Variants in HSD17B4 observed in about 807,000 individuals in gnomAD.
The protein encoded by HSD17B4 is hydroxysteroid 17-beta dehydrogenase 4.
A neutral mutation model predicts 101.0 loss-of-function variants in HSD17B4; 70 were observed. The observed-to-expected ratio is 0.69, with a 90% CI of 0.57 to 0.85. HSD17B4 has a LOEUF of 0.85. HSD17B4 is among the 40% of genes least tolerant of loss of function. The pLI, the probability that HSD17B4 is intolerant of heterozygous loss-of-function variation, is 0.00. For synonymous variants in HSD17B4, 347 were observed against 297.1 expected, an observed-to-expected ratio of 1.17 and a Z score of -1.73; for missense variants, 984 against 892.4, an observed-to-expected ratio of 1.10 and a Z score of -1.31.
intron 8 of HSD17B4, among the ~76,000 whole-genome samples, chr5:119,481,635 A>G (rs551066150): frequency 7.8e-5 from 9 of 115,300 alleles, no homozygotes; most frequent in South Asian, 2.8e-4. Flanking sequence ...AACCATATAC[A>G]TGCCTTAATT....
rs1749936595 is a variant in HSD17B4 at position 119,489,832 on chromosome 5, TG to T, written c.714+550del. On this transcript the variant is annotated intron_variant, in intron 9 of 23. Transcript: ENST00000510025. ...TTTTTACATAAAAAATGAACTTTTC[TG>T]TTTTTTTTATTGCAGAGCTTTAAAT... Among the ~76,000 whole-genome samples, 4 of 151,766 alleles carry T rather than the reference TG, an allele frequency of 2.6e-5. No homozygotes were observed. The South Asian group carries it at 8.3e-4, about 31-fold the overall frequency.
At chr5:119,498,253 A>AT (rs35118616) in intron 12 of HSD17B4, among the ~76,000 whole-genome samples, 4 of 152,076 alleles carry the variant, frequency 2.6e-5, no homozygotes, top group Non-Finnish European at 5.9e-5. Flanking sequence ...TAGAAATGTG[A>AT]TTTTTCCTCA....
intron 20 of HSD17B4, 133 bp from the exon 21 acceptor site, chr5:119,529,758 TTTA>T: frequency 1.6e-6 from 1 of 631,968 alleles, no homozygotes; most frequent in South Asian, 1.8e-5. Flanking sequence ...TTAGCAGCCT[TTTA>T]TTTTATCTGG....
intron 2 of HSD17B4, 105 bp downstream of exon 2, chr5:119,456,473 T>G (rs1396615202): frequency 1.2e-6 from 1 of 842,306 alleles, no homozygotes; most frequent in Non-Finnish European, 2.0e-6. Context: ...GGTTGAATTT[T>G]ATTATTAATT....
At chr5:119,452,895 G>C (rs1754209599) in intron 1 of HSD17B4, 2 of 1,508,562 alleles carry the variant, frequency 1.3e-6, no homozygotes, top group Non-Finnish European at 8.9e-7. Flanking sequence ...GCCAGGCTGG[G>C]CTGCTGATTG....
At chr5:119,469,284 C>A (rs1047768881) in intron 2 of HSD17B4, among the ~76,000 whole-genome samples, 1 of 149,942 alleles carries the variant, frequency 6.7e-6, no homozygotes, top group Non-Finnish European at 1.5e-5. Flanking sequence ...GTTGTGTTTC[C>A]CTGTTTTTCC....
At chr5:119,522,110 G>A (rs1325401750) in intron 17 of HSD17B4, among the ~76,000 whole-genome samples, 3 of 148,318 alleles carry the variant, frequency 2.0e-5, no homozygotes, top group East Asian at 2.1e-4. Flanking sequence ...AACAGGCCCC[G>A]GTGTGTGATG....
intron 20 of HSD17B4, among the ~76,000 whole-genome samples, chr5:119,527,572 G>A (rs957510726): frequency 6.6e-6 from 1 of 151,868 alleles, no homozygotes; most frequent in Non-Finnish European, 1.5e-5. Context: ...AAATTTAAAG[G>A]CATGACTCAG....
rs757832938 is a variant in HSD17B4, at chr5:119,475,812, T to C, written c.303-12T>C. The stretch of plus-strand genomic sequence containing the variant: ...TTTCCTCCTTTTACCCTATACAACA[T>C]TGATTTTTTAGAATTCTGAGGGATC... On this transcript the variant is annotated splice_polypyrimidine_tract_variant and intron_variant, in intron 5 of 23. Transcript: ENST00000510025. 7 of 1,599,212 alleles carry C rather than the reference T, an allele frequency of 4.4e-6. No homozygotes were observed. The Admixed American group carries it at 5.0e-5, about 11-fold the overall frequency.
intron 18 of HSD17B4, 85 bp downstream of exon 18, chr5:119,525,370 C>T: frequency 1.2e-6 from 1 of 842,352 alleles, no homozygotes; most frequent in Non-Finnish European, 2.1e-6. Flanking sequence ...CTACTTATGA[C>T]TGGTAGTTTG....
chr5:119,452,866 G>A, intron 1 of HSD17B4: 1 of 1,535,250 alleles, frequency 6.5e-7, no homozygotes, highest in Non-Finnish European at 8.7e-7. Context: ...GCTTCCCAAG[G>A]TCCTGCCTGA....
intron 5 of HSD17B4, 23 bp from the exon 6 acceptor site, chr5:119,475,801 C>A (rs1748526011): frequency 1.3e-6 from 2 of 1,587,842 alleles, no homozygotes; most frequent in South Asian, 2.2e-5. Context: ...CTCCTTTTAC[C>A]CTATACAACA....
At chr5:119,461,036 A>G (rs1755175517) in intron 2 of HSD17B4, among the ~76,000 whole-genome samples, 1 of 152,156 alleles carries the variant, frequency 6.6e-6, no homozygotes, top group Non-Finnish European at 1.5e-5. Flanking sequence ...ATGAGGGCAG[A>G]GGGGTCCTAG....
At chr5:119,530,725 C>G (rs1181969665) in intron 21 of HSD17B4, among the ~76,000 whole-genome samples, 1 of 151,144 alleles carries the variant, frequency 6.6e-6, no homozygotes, top group African/African-American at 2.4e-5. Context: ...TGGTGGCAGG[C>G]TCCTGTAATC....
rs3797361 is a variant in HSD17B4, at chr5:119,489,712, A to G, written c.714+429A>G. ...AAGTCATATTTTAAACCCTTGGCAT[A>G]AGGCCTAATACATAGCACTCAACCA... On this transcript the variant is annotated intron_variant, in intron 9 of 23. Coordinates refer to ENST00000510025, the MANE Select transcript of HSD17B4 (RefSeq NM_000414.4). Among the ~76,000 whole-genome samples the G allele has an allele frequency of 7.9e-5, 12 of 152,314 alleles. No homozygotes were observed. In the East Asian group the frequency reaches 2.3e-3, roughly 29 times the overall value.
intron 4 of HSD17B4, among the ~76,000 whole-genome samples, chr5:119,475,147 C>T (rs1040735672): frequency 6.6e-6 from 1 of 151,976 alleles, no homozygotes; most frequent in Non-Finnish European, 1.5e-5. Flanking sequence ...GTTCACATAT[C>T]GTCTGACAGG....
At chr5:119,525,722 T>TC in intron 18 of HSD17B4, 195 bp from the exon 19 acceptor site, 2 of 578,314 alleles carry the variant, frequency 3.5e-6, no homozygotes, top group East Asian at 2.9e-5. Flanking sequence ...TGTTTTTTTT[T>TC]TTTCTTTCTT....
At chr5:119,502,898 C>T (rs1161173393) in intron 14 of HSD17B4, among the ~76,000 whole-genome samples, 2 of 152,088 alleles carry the variant, frequency 1.3e-5, no homozygotes, top group Non-Finnish European at 2.9e-5. Context: ...TGAAACAGTA[C>T]ACTTTGTGGT....
chr5:119,515,008 C>T lies in HSD17B4; in HGVS notation c.1465C>T (p.Pro489Ser), dbSNP rs761868163. Residue 489 changes from proline (P) to serine (S), a missense_variant, in exon 17 of 24, where the codon CCT (proline) becomes TCT (serine). Coordinates refer to ENST00000510025, the MANE Select transcript of HSD17B4 (RefSeq NM_000414.4). Reference sequence around the variant, plus strand: ...AGCTGTAGCCATACCTAATAGACCTCCTGATGCTGTACTTACAGATACCAC... The same window carrying T: ...AGCTGTAGCCATACCTAATAGACCTTCTGATGCTGTACTTACAGATACCAC... ...KVAVAIPNRPPDAVLTDTTSL... is the reference protein window; with the variant it reads ...KVAVAIPNRPSDAVLTDTTSL... 11 of 1,584,576 alleles carry T rather than the reference C, an allele frequency of 6.9e-6. No individual in the cohort carries two copies. In the South Asian group the frequency reaches 1.2e-4, roughly 18 times the overall value.
Sources: gnomAD v4.1 joint callset for allele counts (sites outside exome capture counted in the v4.1 genomes callset) on GRCh38, gnomAD v4.1.1 for gene constraint, MANE v1.5 for transcripts, NCBI Gene and HGNC (gene_info 2026-07-23, HGNC 2026-07-21) for gene names.